PAX7: variants seen among roughly 807,000 people sequenced by gnomAD.
PAX7 encodes paired box 7, also known as paired box protein Pax-7.
Under a neutral mutation model 50.7 loss-of-function variants are expected in PAX7, and 18 were observed. The ratio of observed to expected loss-of-function variants is 0.36; its 90% CI spans 0.25 to 0.53. PAX7 has a LOEUF of 0.53. PAX7 is among the 20% of genes least tolerant of loss of function. The probability of loss-of-function intolerance (pLI) is 0.93; values close to 1 mark genes in which losing one functional copy is unlikely to be tolerated. For missense variants in PAX7, 644 were observed against 702.9 expected, an observed-to-expected ratio of 0.92 and a Z score of 0.95; for synonymous variants, 310 against 290.4, an observed-to-expected ratio of 1.07 and a Z score of -0.69.
At position 18,634,987 on chromosome 1, in the gene PAX7, TG is replaced by T; in HGVS notation, c.322-118del. 3 of 1,212,044 alleles carry T rather than the reference TG, an allele frequency of 2.5e-6. No individual in the cohort carries two copies. Among genetic ancestry groups the T allele is most frequent in the South Asian group, 1.6e-5 (1 of 62,204 alleles). The allele number at this position is 1,212,044 out of a possible 1,614,324, so 75.1% of individuals were successfully genotyped here. ...AGGATAAAGCCAATCTCTTGGGGGA[TG>T]GGGGGACACAAGGTAACCAGAACCA... is the stretch of plus-strand genomic sequence containing the variant. On this transcript the variant is annotated intron_variant, in intron 2 of 8. Transcript: ENST00000420770. The surrounding 1 kb of genome is among the most constrained non-coding windows in gnomAD (Gnocchi z 4.0).
In PAX7 at chr1:18,748,427, C is replaced by G. The variant is rs1931537778; in HGVS notation, c.*3498C>G. The G allele has an allele frequency of 4.3e-6, 1 of 231,890 alleles. No individual in the cohort carries two copies. Among genetic ancestry groups the G allele is most frequent in the African/African-American group, 2.2e-5 (1 of 45,272 alleles). 14.4% of individuals were successfully genotyped at this position (231,890 alleles called of 1,614,324 possible). On this transcript the variant is annotated 3_prime_UTR_variant, in exon 9 of 9. Coordinates refer to ENST00000420770, the MANE Select transcript of PAX7 (RefSeq NM_001135254.2). ...GGGTACACAGGTCTTCTCTCCTCCC[C>G]TCCTGCAGAGGCACCAAAACCAAGA... is the stretch of plus-strand genomic sequence containing the variant.
rs1169635333 is a variant in PAX7, at chr1:18,630,967, CT to C, written c.-635del. On this transcript the variant is annotated 5_prime_UTR_variant, in exon 1 of 9. Transcript: ENST00000420770. ...GCCCTGAAACCCGAGGAGGCTCCTT[CT>C]TCCGTCTGTCCCCGGGTCTCCTAGG... is the stretch of plus-strand genomic sequence containing the variant. 1 of 215,816 alleles carries C rather than the reference CT, an allele frequency of 4.6e-6. No homozygotes were observed. The highest frequency in any genetic ancestry group is 6.7e-5 in the East Asian group (1 of 14,884). The allele number at this position is 215,816 out of a possible 1,614,324, so 13.4% of individuals were successfully genotyped here.
rs139085620 is a variant in PAX7, at chr1:18,724,454, T to G, written c.1156-11178T>G. Among the ~76,000 whole-genome samples, 642 of 152,324 alleles carry G rather than the reference T, an allele frequency of 4.2e-3. 3 individuals carry two copies. Among genetic ancestry groups the G allele is most frequent in the African/African-American group, 0.015 (618 of 41,578 alleles). Reference sequence around the variant, plus strand: ...CTCAAACCCTCTCTGTCTGCTCCATTACCAGGTCACCCAGAAAACCAATCC... The same window carrying G: ...CTCAAACCCTCTCTGTCTGCTCCATGACCAGGTCACCCAGAAAACCAATCC... On this transcript the variant is annotated intron_variant, in intron 7 of 8. Coordinates refer to ENST00000420770, the MANE Select transcript of PAX7 (RefSeq NM_001135254.2).
rs1300590994 is a variant in PAX7 at position 18,727,391 on chromosome 1, C to T, written c.1156-8241C>T. Among the ~76,000 whole-genome samples, 7 of 151,794 alleles carry T rather than the reference C, an allele frequency of 4.6e-5. No individual in the cohort carries two copies. The East Asian group carries it at 1.4e-3, about 29-fold the overall frequency. On this transcript the variant is annotated intron_variant, in intron 7 of 8. Coordinates refer to ENST00000420770, the MANE Select transcript of PAX7 (RefSeq NM_001135254.2). ...TCTCATACACACACACACACACACA[C>T]ACACACACACACACACACAGAGTTA...
At chr1:18,723,429 G>A (rs774137177) in intron 7 of PAX7, among the ~76,000 whole-genome samples, 1 of 152,222 alleles carries the variant, frequency 6.6e-6, no homozygotes, top group Non-Finnish European at 1.5e-5. Flanking sequence ...ATGAAGGACA[G>A]CCGAATATGG....
At chr1:18,692,032 T>G in intron 5 of PAX7, 79 bp downstream of exon 5, 1 of 1,374,552 alleles carries the variant, frequency 7.3e-7, no homozygotes, top group Non-Finnish European at 1.0e-6. Flanking sequence ...GGTCAGTGGG[T>G]TTAATGGGAC....
chr1:18,698,272 T>TACACACACACACAC (rs71018097), intron 5 of PAX7, among the ~76,000 whole-genome samples: 2 of 147,320 alleles, frequency 1.4e-5, no homozygotes, highest in South Asian at 2.2e-4. Flanking sequence ...ATTGTTAAAA[T>TACACACACACACAC]ACACACACAC....
chr1:18,723,406 CT>C (rs1237646650), intron 7 of PAX7, among the ~76,000 whole-genome samples: 1 of 152,210 alleles, frequency 6.6e-6, no homozygotes, highest in Non-Finnish European at 1.5e-5. Context: ...TAGCTTGTGG[CT>C]TTCCATGGCA....
chr1:18,723,235 G>T (rs900376175), intron 7 of PAX7, among the ~76,000 whole-genome samples: 1 of 152,188 alleles, frequency 6.6e-6, no homozygotes, highest in Non-Finnish European at 1.5e-5. Context: ...AGTTGAGTAT[G>T]TTCCCCCCGA....
chr1:18,707,787 C>A (rs1570203977), intron 7 of PAX7, among the ~76,000 whole-genome samples: 1 of 152,142 alleles, frequency 6.6e-6, no homozygotes, highest in African/African-American at 2.4e-5. Flanking sequence ...CTCACTTGCA[C>A]TCTTTTTAGA....
intron 7 of PAX7, among the ~76,000 whole-genome samples, chr1:18,732,942 G>A (rs549155701): frequency 2.0e-5 from 3 of 152,164 alleles, no homozygotes; most frequent in East Asian, 1.9e-4. Flanking sequence ...CCCAGCCCCC[G>A]TCAACTGTCC....
intron 4 of PAX7, among the ~76,000 whole-genome samples, chr1:18,641,180 A>G (rs971005989): frequency 1.3e-5 from 2 of 152,260 alleles, no homozygotes; most frequent in Non-Finnish European, 2.9e-5. Context: ...GCAAGGAGAG[A>G]AGAGACAGAA....
intron 6 of PAX7, among the ~76,000 whole-genome samples, chr1:18,701,230 C>A (rs995501916): frequency 6.6e-6 from 1 of 152,166 alleles, no homozygotes; most frequent in African/African-American, 2.4e-5. Context: ...GGGAAAGGAA[C>A]GGATTCTGCA....
intron 4 of PAX7, among the ~76,000 whole-genome samples, chr1:18,667,661 G>A (rs959445064): frequency 6.6e-6 from 1 of 152,098 alleles, no homozygotes; most frequent in Admixed American, 6.5e-5. Flanking sequence ...TTAAGGGGGT[G>A]GAAATTTGAG....
chr1:18,680,359 G>A (rs189554185), intron 4 of PAX7, among the ~76,000 whole-genome samples: 58 of 152,260 alleles, frequency 3.8e-4, no homozygotes, highest in African/African-American at 1.3e-3. Flanking sequence ...CACCTGCCAG[G>A]CTTCTGTTCT....
At chr1:18,640,794 C>A (rs183411087) in intron 4 of PAX7, among the ~76,000 whole-genome samples, 1 of 148,240 alleles carries the variant, frequency 6.7e-6, no homozygotes, top group African/African-American at 2.5e-5. Context: ...ATATCCAGTG[C>A]GACCAGAGGG....
Position 18,726,667 on chromosome 1 carries a change from C to T in PAX7, c.1156-8965C>T, listed in dbSNP as rs1390148348. Among the ~76,000 whole-genome samples, 1 of 152,196 alleles carries T rather than the reference C, an allele frequency of 6.6e-6. No homozygotes were observed. The highest frequency in any genetic ancestry group is 1.5e-5 in the Non-Finnish European group (1 of 68,040). ...AGGCTTGAACACAGGGACCTCACAG[C>T]CTCTTTTGGCTGCACCTCCCAGGGT... On this transcript the variant is annotated intron_variant, in intron 7 of 8. Coordinates refer to ENST00000420770, the MANE Select transcript of PAX7 (RefSeq NM_001135254.2). The surrounding 1 kb of genome is among the most constrained non-coding windows in gnomAD (Gnocchi z 4.8).
At chr1:18,680,981 A>C (rs757931082) in intron 4 of PAX7, among the ~76,000 whole-genome samples, 1 of 151,974 alleles carries the variant, frequency 6.6e-6, no homozygotes, top group Non-Finnish European at 1.5e-5. Flanking sequence ...CAGCCTGACC[A>C]ACATGGAGAA....
intron 4 of PAX7, among the ~76,000 whole-genome samples, chr1:18,670,849 C>T (rs372435720): frequency 3.3e-5 from 5 of 152,130 alleles, no homozygotes; most frequent in East Asian, 1.9e-4. Flanking sequence ...GGGCTGGAGA[C>T]GCCTTCAGAA....
Sources: allele counts gnomAD v4.1 joint callset (sites outside exome capture counted in the v4.1 genomes callset), GRCh38; gene constraint gnomAD v4.1.1; non-coding constraint Gnocchi (gnomAD v3.1); transcripts MANE v1.5; gene names NCBI Gene and HGNC (gene_info 2026-07-23, HGNC 2026-07-21).